COQ2: variants seen among roughly 807,000 people sequenced by gnomAD.
The protein encoded by COQ2 is coenzyme Q2, polyprenyltransferase.
A neutral mutation model predicts 35.7 loss-of-function variants in COQ2; 25 were observed. The observed-to-expected ratio is 0.70, with a 90% confidence interval of 0.51 to 0.98. COQ2 has a LOEUF of 0.98. Among genes scored for constraint, COQ2 ranks in the 50% least tolerant of loss-of-function variants. The pLI, the probability that COQ2 is intolerant of heterozygous loss-of-function variation, is 0.00. For synonymous variants in COQ2, 206 were observed against 186.2 expected (o/e 1.11, Z -0.86); for missense variants, 488 against 473.5 (o/e 1.03, Z -0.28).
rs1280812046 is a variant in COQ2, at chr4:83,272,275, T to C, written c.543-103A>G. 22 of 587,886 alleles carry C rather than the reference T, an allele frequency of 3.7e-5. No individual in the cohort carries two copies. In the Admixed American group the frequency reaches 6.0e-4, roughly 16 times the overall value. The allele number at this position is 587,886 out of a possible 1,614,324, so 36.4% of individuals were successfully genotyped here. ...TAAGTAATACTAATTGGAAAATATATTTTATCTTAAATTATATTTTATGTA... is the reference window on the plus strand; with the variant it reads ...TAAGTAATACTAATTGGAAAATATACTTTATCTTAAATTATATTTTATGTA... On this transcript the variant is annotated intron_variant, in intron 3 of 6. Transcript: ENST00000647002.
intron 6 of COQ2, chr4:83,267,042 T>TG (rs943882674): frequency 4.8e-5 from 18 of 371,310 alleles, no homozygotes; most frequent in Non-Finnish European, 9.4e-5. Context: ...GAAAATCAGA[T>TG]GGGAAAATTT....
In COQ2 at chr4:83,264,244, C is replaced by G; in HGVS notation, c.1071G>C (p.Lys357Asn). The G allele has an allele frequency of 1.9e-6, 3 of 1,598,526 alleles. No individual in the cohort carries two copies. In the South Asian group the frequency reaches 3.4e-5, roughly 18 times the overall value. The change falls in exon 7 of 7, where the codon AAG becomes AAC. Residue 357 changes from lysine (K) to asparagine (N), a missense_variant. Lys to Asn is a moderately conservative substitution (Grantham distance 94). Coordinates refer to ENST00000647002, the MANE Select transcript of COQ2 (RefSeq NM_001358921.2). ...CTATACCCTTCTTTGTTTTGTCTGTCTTCTTTTCTTTCCACAAATTCCCAA... is the reference window on the plus strand; with the variant it reads ...CTATACCCTTCTTTGTTTTGTCTGTGTTCTTTTCTTTCCACAAATTCCCAA... ...IVLGNLWKEKKTDKTKKGIEN... is the reference protein window; with the variant it reads ...IVLGNLWKEKNTDKTKKGIEN...
intron 1 of COQ2, among the ~76,000 whole-genome samples, chr4:83,279,446 T>A (rs1330668379): frequency 1.3e-5 from 2 of 152,146 alleles, no homozygotes; most frequent in African/African-American, 2.4e-5. Flanking sequence ...TTTTCACCTA[T>A]CACTGGCAAA....
At chr4:83,268,566 G>C (rs774841763) in intron 5 of COQ2, among the ~76,000 whole-genome samples, 6 of 152,074 alleles carry the variant, frequency 3.9e-5, no homozygotes, top group Non-Finnish European at 5.9e-5. Context: ...TCACCTTCAG[G>C]GTGCAAACTG....
chr4:83,284,472 T>C (rs1262644216), intron 1 of COQ2, 40 bp downstream of exon 1: 2 of 1,531,204 alleles, frequency 1.3e-6, no homozygotes, highest in Non-Finnish European at 1.8e-6. Flanking sequence ...CGGAGGCTGC[T>C]ACTTGCAAAT....
At chr4:83,265,819 C>T (rs1383080315) in intron 6 of COQ2, among the ~76,000 whole-genome samples, 1 of 151,954 alleles carries the variant, frequency 6.6e-6, no homozygotes, top group Non-Finnish European at 1.5e-5. Flanking sequence ...TGCACACCAC[C>T]ATGCCCAGCT....
chr4:83,284,034 C>A, intron 1 of COQ2: 1 of 985,422 alleles, frequency 1.0e-6, no homozygotes, highest in Non-Finnish European at 1.2e-6. Context: ...TGACGAGGAG[C>A]CTTAGTTTCC....
intron 5 of COQ2, among the ~76,000 whole-genome samples, chr4:83,269,188 T>C (rs781470914): frequency 1.7e-4 from 26 of 152,194 alleles, no homozygotes; most frequent in Non-Finnish European, 3.2e-4. Flanking sequence ...TACTTATAAT[T>C]GTGAAAACTC....
At position 83,283,326 on chromosome 4, in the gene COQ2, C is replaced by T. The variant is rs1735373120; in HGVS notation, c.253+1186G>A. ...TCTAGATTGGCTGGAGTTCATCCTT[C>T]ACTTCTTCCTCCACGCTATCCAGCT... On this transcript the variant is annotated intron_variant, in intron 1 of 6. Transcript: ENST00000647002. 3 of 985,392 alleles carry T rather than the reference C, an allele frequency of 3.0e-6. No individual in the cohort carries two copies. The African/African-American group carries it at 5.2e-5, about 17-fold the overall frequency. The allele number at this position is 985,392 out of a possible 1,614,324, so 61.0% of individuals were successfully genotyped here. A position where few individuals can be genotyped will look rare whatever the true frequency, so the allele number is the denominator to read the frequency against.
At chr4:83,275,201 G>C (rs1466421514) in intron 2 of COQ2, among the ~76,000 whole-genome samples, 1 of 152,090 alleles carries the variant, frequency 6.6e-6, no homozygotes, top group Non-Finnish European at 1.5e-5. Flanking sequence ...GATTTTCCTA[G>C]TTTTTGGTAT....
At chr4:83,272,228 G>A (rs1215929765) in intron 3 of COQ2, 56 bp from the exon 4 acceptor site, 6 of 1,014,526 alleles carry the variant, frequency 5.9e-6, no homozygotes, top group African/African-American at 1.6e-5. Context: ...TAGAAACCAC[G>A]AAATACTTTA....
chr4:83,270,028 T>G lies in COQ2; in HGVS notation c.629-35A>C, dbSNP rs374610954. 1.9e-6 allele frequency: 3 copies of G among 1,608,728 alleles called. No individual in the cohort carries two copies. In the African/African-American group the frequency reaches 4.0e-5, roughly 22 times the overall value. On this transcript the variant is annotated intron_variant, in intron 4 of 6. Coordinates refer to ENST00000647002, the MANE Select transcript of COQ2 (RefSeq NM_001358921.2). ...GCAAAACACAAAAAGGGGGAAAGTC[T>G]GTATGTACTTTAGAATCCTAAAGGG...
intron 5 of COQ2, among the ~76,000 whole-genome samples, chr4:83,268,433 G>A (rs189367829): frequency 6.6e-6 from 1 of 152,188 alleles, no homozygotes; most frequent in Non-Finnish European, 1.5e-5. Flanking sequence ...TAGTATCAGT[G>A]GCTGTATGCT....
Position 83,272,174 on chromosome 4 carries a change from T to C in COQ2, c.543-2A>G, listed in dbSNP as rs769463299. On this transcript the variant is annotated splice_acceptor_variant, in intron 3 of 6. Transcript: ENST00000647002. LOFTEE classifies it high-confidence loss of function. ...AAGGATCCTGCTCCCAGAGCTATAC[T>C]GAAAAGAGGAAAAACCATTAAAGTG... is the stretch of plus-strand genomic sequence containing the variant. The C allele has an allele frequency of 1.3e-6, 2 of 1,598,658 alleles. No homozygotes were observed. Among genetic ancestry groups the C allele is most frequent in the East Asian group, 2.2e-5 (1 of 44,556 alleles).
upstream of COQ2, chr4:83,285,025 T>A: frequency 1.3e-6 from 1 of 779,858 alleles, no homozygotes; most frequent in South Asian, 1.9e-5. Flanking sequence ...TCGATCTTGA[T>A]TGACTTTGTG....
At chr4:83,277,643 T>C (rs1161494159) in intron 2 of COQ2, among the ~76,000 whole-genome samples, 3 of 152,154 alleles carry the variant, frequency 2.0e-5, no homozygotes, top group East Asian at 1.9e-4. Flanking sequence ...TTCTTCCACA[T>C]AGCAAGTACT....
Position 83,264,382 on chromosome 4 carries a change from A to C in COQ2, c.952-19T>G. The C allele has an allele frequency of 1.3e-6, 2 of 1,582,754 alleles. No individual in the cohort carries two copies. Among genetic ancestry groups the C allele is most frequent in the Non-Finnish European group, 1.7e-6 (2 of 1,169,324 alleles). ...TGTAAATCTGCAAGAGAGGAATACAAAGTTGTATTAATACCTAGTCTGGAC... is the reference window on the plus strand; with the variant it reads ...TGTAAATCTGCAAGAGAGGAATACACAGTTGTATTAATACCTAGTCTGGAC... On this transcript the variant is annotated intron_variant, in intron 6 of 6. Transcript: ENST00000647002.
Position 83,272,118 on chromosome 4 carries a change from T to C in COQ2, c.597A>G (p.Lys199=). 6.2e-7 allele frequency: 1 copy of C among 1,610,796 alleles called. No individual in the cohort carries two copies. Among genetic ancestry groups the C allele is most frequent in the Non-Finnish European group, 8.5e-7 (1 of 1,178,520 alleles). The change falls in exon 4 of 7, where the codon AAA becomes AAG. Residue 199 remains lysine, a synonymous_variant. Transcript: ENST00000647002. The part of the protein sequence containing the change: ...LLLVITYPLM[K]RISYWPQLAL... Reference sequence around the variant, plus strand: ...CTAGTTGAGGCCAGTATGAAATTCTTTTCATTAGTGGGTAGGTGATGACAA... The same window carrying C: ...CTAGTTGAGGCCAGTATGAAATTCTCTTCATTAGTGGGTAGGTGATGACAA...
At chr4:83,275,043 G>A (rs1735134869) in intron 2 of COQ2, among the ~76,000 whole-genome samples, 1 of 152,076 alleles carries the variant, frequency 6.6e-6, no homozygotes, top group Non-Finnish European at 1.5e-5. Flanking sequence ...CTGAGAGGTG[G>A]TATTTTTCAT....
Sources: gnomAD v4.1 joint callset for allele counts (sites outside exome capture counted in the v4.1 genomes callset) on GRCh38, gnomAD v4.1.1 for gene constraint, MANE v1.5 for transcripts, NCBI Gene and HGNC (gene_info 2026-07-23, HGNC 2026-07-21) for gene names.